AOAH: variants seen among roughly 807,000 people sequenced by gnomAD.
AOAH encodes the protein acyloxyacyl hydrolase, also known as acyloxyacyl hydrolase (neutrophil).
A neutral mutation model predicts 92.2 loss-of-function variants in AOAH; 64 were observed. The ratio of observed to expected loss-of-function variants is 0.69; its 90% CI spans 0.57 to 0.86. The LOEUF is 0.86. Ranked by LOEUF, AOAH falls within the 40% of genes least tolerant of loss-of-function variation. The probability of loss-of-function intolerance (pLI) is 0.00; values close to 1 mark genes in which losing one functional copy is unlikely to be tolerated. For missense variants in AOAH, 656 were observed against 694.6 expected (o/e 0.94, Z 0.62); for synonymous variants, 263 against 254.5 (o/e 1.03, Z -0.32).
intron 13 of AOAH, chr7:36,550,197 A>T (rs1786119006): frequency 6.6e-6 from 1 of 152,180 alleles, no homozygotes; most frequent in African/African-American, 2.4e-5. Flanking sequence ...TCTACTAAAA[A>T]TACAAAAAAA....
intron 7 of AOAH, among the ~76,000 whole-genome samples, chr7:36,622,890 A>G (rs1460057154): frequency 6.6e-6 from 1 of 152,098 alleles, no homozygotes; most frequent in South Asian, 2.1e-4. Flanking sequence ...TACTAAAAAT[A>G]CAAACACTAC....
At chr7:36,564,815 T>A (rs569360673) in intron 13 of AOAH, among the ~76,000 whole-genome samples, 14 of 152,214 alleles carry the variant, frequency 9.2e-5, no homozygotes, top group Non-Finnish European at 1.8e-4. Flanking sequence ...TTACAATCAC[T>A]GTCATGCCTT....
chr7:36,704,687 C>T (rs1049013758), intron 1 of AOAH, among the ~76,000 whole-genome samples: 1 of 151,878 alleles, frequency 6.6e-6, no homozygotes, highest in South Asian at 2.1e-4. Flanking sequence ...AGTGACACAA[C>T]AAAAAAAGAA....
At chr7:36,571,598 G>T (rs1325205192) in intron 13 of AOAH, among the ~76,000 whole-genome samples, 1 of 152,184 alleles carries the variant, frequency 6.6e-6, no homozygotes, top group East Asian at 1.9e-4. Context: ...TCTGTCTGCT[G>T]CTGCTCACTT....
chr7:36,543,989 C>T (rs1385525708), intron 15 of AOAH, among the ~76,000 whole-genome samples: 1 of 128,822 alleles, frequency 7.8e-6, no homozygotes, highest in African/African-American at 2.9e-5. Context: ...ACTCTGTTGC[C>T]CAGGCTGGAG....
chr7:36,698,582 T>C (rs1797852802), intron 1 of AOAH, among the ~76,000 whole-genome samples: 1 of 152,140 alleles, frequency 6.6e-6, no homozygotes, highest in Non-Finnish European at 1.5e-5. Context: ...CCATAAGCAC[T>C]GCTTTAGCTG....
intron 8 of AOAH, 33 bp from the exon 9 acceptor site, chr7:36,620,862 A>T (rs761129854): frequency 1.1e-5 from 17 of 1,603,520 alleles, no homozygotes; most frequent in Non-Finnish European, 1.5e-5. Flanking sequence ...GGTCTTTGAC[A>T]TATGCTTGTC....
At position 36,631,937 on chromosome 7, in the gene AOAH, C is replaced by G. The variant is rs1292553495; in HGVS notation, c.521+99G>C. The G allele has an allele frequency of 9.4e-6, 8 of 851,210 alleles. No individual in the cohort carries two copies. In the East Asian group the frequency reaches 1.9e-4, roughly 20 times the overall value. The allele number at this position is 851,210 out of a possible 1,614,324, so 52.7% of individuals were successfully genotyped here. On this transcript the variant is annotated intron_variant, in intron 6 of 20. Coordinates refer to ENST00000617537, the MANE Select transcript of AOAH (RefSeq NM_001637.4). ...AGAAACACTCTCACCTTCAGGGATG[C>G]CTTTTAAGTGTGAAGATCATTTTGG...
chr7:36,585,730 C>G (rs772443858), intron 12 of AOAH, among the ~76,000 whole-genome samples: 3 of 152,106 alleles, frequency 2.0e-5, no homozygotes, highest in Non-Finnish European at 2.9e-5. Context: ...ATGGGAAAAT[C>G]CCAACAAAGT....
At chr7:36,622,748 T>TA (rs1251552519) in intron 7 of AOAH, among the ~76,000 whole-genome samples, 2 of 152,142 alleles carry the variant, frequency 1.3e-5, no homozygotes, top group African/African-American at 4.8e-5. Context: ...ACAAAATCCT[T>TA]AAAAAATATG....
chr7:36,539,129 TG>T (rs1408180501), intron 16 of AOAH, among the ~76,000 whole-genome samples: 2 of 152,190 alleles, frequency 1.3e-5, no homozygotes, highest in Non-Finnish European at 2.9e-5. Flanking sequence ...AAAAGGCTCT[TG>T]ATGGCCTGAA....
chr7:36,635,094 A>ATGAG (rs768295407), intron 5 of AOAH, among the ~76,000 whole-genome samples: 39 of 152,196 alleles, frequency 2.6e-4, no homozygotes, highest in Non-Finnish European at 5.0e-4. Context: ...GCAACATTGT[A>ATGAG]TGAGTCTTGC....
rs138139089 is a variant in AOAH, at chr7:36,625,227, A to G, written c.522-1977T>C. Among the ~76,000 whole-genome samples, 55 of 152,296 alleles carry G rather than the reference A, an allele frequency of 3.6e-4. 1 individual carries two copies. The East Asian group carries it at 5.8e-3, about 16-fold the overall frequency. On this transcript the variant is annotated intron_variant, in intron 6 of 20. Coordinates refer to ENST00000617537, the MANE Select transcript of AOAH (RefSeq NM_001637.4). Reference sequence around the variant, plus strand: ...CAGGCTCCCTCTTAGTGTCTCCAAGAAGAATTATCCTTTTGAATTCAAGTG... The same window carrying G: ...CAGGCTCCCTCTTAGTGTCTCCAAGGAGAATTATCCTTTTGAATTCAAGTG...
chr7:36,518,752 C>T lies in AOAH; in HGVS notation c.1599+3287G>A, dbSNP rs374687643. On this transcript the variant is annotated intron_variant, in intron 20 of 20. Coordinates refer to ENST00000617537, the MANE Select transcript of AOAH (RefSeq NM_001637.4). Reference sequence around the variant, plus strand: ...TATAAATACATCCAATGTATTAAGACAGTAAAGCCAGAAGCGGTTTCAGAG... The same window carrying T: ...TATAAATACATCCAATGTATTAAGATAGTAAAGCCAGAAGCGGTTTCAGAG... 1.5e-4 allele frequency among the ~76,000 whole-genome samples: 23 copies of T among 152,306 alleles called. No homozygotes were observed. The East Asian group carries it at 1.9e-3, about 13-fold the overall frequency.
At chr7:36,520,858 G>C (rs974526003) in intron 20 of AOAH, among the ~76,000 whole-genome samples, 1 of 152,206 alleles carries the variant, frequency 6.6e-6, no homozygotes, top group African/African-American at 2.4e-5. Flanking sequence ...ACACAGGAAG[G>C]TTAGAAATTC....
chr7:36,621,740 T>G lies in AOAH; in HGVS notation c.623A>C (p.Asp208Ala). The G allele has an allele frequency of 1.9e-6, 3 of 1,614,118 alleles. No homozygotes were observed. The highest frequency in any genetic ancestry group is 2.5e-6 in the Non-Finnish European group (3 of 1,180,008). The part of the protein sequence containing the change: ...GYHWRGRDCN[D>A]SDESVYPGRR... ...ACCTGGGTACACTGACTCGTCGCTG[T>G]CATTACAGTCTCTCCCCCGCCAGTG... Residue 208 changes from aspartate (D) to alanine (A), a missense_variant, in exon 8 of 21, where the codon GAC becomes GCC. Coordinates refer to ENST00000617537, the MANE Select transcript of AOAH (RefSeq NM_001637.4).
intron 1 of AOAH, among the ~76,000 whole-genome samples, chr7:36,720,639 G>A (rs1326294348): frequency 6.6e-6 from 1 of 152,138 alleles, no homozygotes; most frequent in Admixed American, 6.5e-5. Context: ...TTTAGAGAAA[G>A]GGTATTATCA....
intron 11 of AOAH, among the ~76,000 whole-genome samples, chr7:36,601,454 T>G (rs953915335): frequency 1.9e-4 from 29 of 152,226 alleles, no homozygotes; most frequent in Non-Finnish European, 2.1e-4. Flanking sequence ...CAGGCAGCTG[T>G]GGGCTCCTTC....
chr7:36,592,841 G>C (rs1789840343), intron 12 of AOAH, among the ~76,000 whole-genome samples: 1 of 152,164 alleles, frequency 6.6e-6, no homozygotes, highest in South Asian at 2.1e-4. Flanking sequence ...AAGTATTTTA[G>C]TATTTTTACA....
Sources: gnomAD v4.1 joint callset for allele counts (sites outside exome capture counted in the v4.1 genomes callset) on GRCh38, gnomAD v4.1.1 for gene constraint, MANE v1.5 for transcripts, NCBI Gene and HGNC (gene_info 2026-07-23, HGNC 2026-07-21) for gene names.